The following CLTB variants were observed in gnomAD, a reference collection of about 807,000 sequenced individuals.
CLTB encodes clathrin light chain B.
CLTB carries 10 observed loss-of-function variants against 30.5 expected under a neutral mutation model. That is an observed-to-expected ratio of 0.33 (90% confidence interval 0.20 to 0.56). The LOEUF (loss-of-function observed/expected upper bound fraction) is 0.56. CLTB is among the 20% of genes least tolerant of loss of function. The pLI is 0.91. For synonymous variants in CLTB, 102 were observed against 120.3 expected (o/e 0.85, Z 1.00); for missense variants, 261 against 308.3 (o/e 0.85, Z 1.15).
intron 4 of CLTB, 78 bp downstream of exon 4, chr5:176,397,523 CCCTCAT>C: frequency 1.7e-6 from 1 of 575,716 alleles, no homozygotes; most frequent in South Asian, 2.5e-5. Context: ...CCCCATGGCC[CCCTCAT>C]GTCCCCACGG....
intron 4 of CLTB, 91 bp from the exon 5 acceptor site, chr5:176,396,623 A>G (rs940392946): frequency 1.1e-6 from 1 of 890,886 alleles, no homozygotes; most frequent in African/African-American, 1.7e-5. Context: ...AGAGAGAGAG[A>G]CAGCATTAGT....
intron 2 of CLTB, among the ~76,000 whole-genome samples, chr5:176,404,723 G>A (rs1185458113): frequency 2.0e-5 from 3 of 152,210 alleles, no homozygotes; most frequent in African/African-American, 7.2e-5. Context: ...GGGCTCACCC[G>A]AAACCTTTGG....
At position 176,396,528 on chromosome 5, in the gene CLTB, C is replaced by A. The variant is rs752659726; in HGVS notation, c.469G>T (p.Ala157Ser). 7.4e-6 allele frequency: 12 copies of A among 1,613,068 alleles called. No homozygotes were observed. The highest frequency in any genetic ancestry group is 1.0e-5 in the Non-Finnish European group (12 of 1,179,548). ...VEKNKINNRI[A>S]DKAFYQQPDA... ...GGCTGCTGGTAGAATGCTTTGTCAGCGATCCTTGAGGGAAAGGTTGAGGGA... is the reference window on the plus strand; with the variant it reads ...GGCTGCTGGTAGAATGCTTTGTCAGAGATCCTTGAGGGAAAGGTTGAGGGA... Residue 157 changes from alanine to serine, a missense_variant, in exon 5 of 6, where the codon GCT becomes TCT. By Grantham distance (99) the Ala-to-Ser change is moderately conservative. Transcript: ENST00000310418.
chr5:176,398,187 A>G (rs1756646576), intron 2 of CLTB, 140 bp from the exon 3 acceptor site: 1 of 706,588 alleles, frequency 1.4e-6, no homozygotes, highest in East Asian at 2.7e-5. Flanking sequence ...GACTACACCT[A>G]TCTTTGCACT....
Position 176,393,965 on chromosome 5 carries a change from T to A in CLTB, c.519-1020A>T, listed in dbSNP as rs1756374184. Among the ~76,000 whole-genome samples, 1 of 152,164 alleles carries A rather than the reference T, an allele frequency of 6.6e-6. No homozygotes were observed. Among genetic ancestry groups the A allele is most frequent in the African/African-American group, 2.4e-5 (1 of 41,440 alleles). ...GGACCAGTTCTGCCGATGCCAGACA[T>A]GACTGATGGCAGGAGCGCTCCATGG... is the stretch of plus-strand genomic sequence containing the variant. On this transcript the variant is annotated intron_variant, in intron 5 of 5. Coordinates refer to ENST00000310418, the MANE Select transcript of CLTB (RefSeq NM_007097.5). This position sits in a 1 kb window ranked among gnomAD's most constrained non-coding sequence, Gnocchi z 4.4.
chr5:176,408,407 G>A (rs191356055), intron 2 of CLTB, among the ~76,000 whole-genome samples: 53 of 151,942 alleles, frequency 3.5e-4, no homozygotes, highest in African/African-American at 1.3e-3. Flanking sequence ...GTGGTGGCGG[G>A]TGCCTGTAAT....
At chr5:176,405,035 G>A (rs1757035033) in intron 2 of CLTB, among the ~76,000 whole-genome samples, 2 of 152,206 alleles carry the variant, frequency 1.3e-5, no homozygotes, top group Admixed American at 1.3e-4. Flanking sequence ...ACATCACAGG[G>A]AGTTGGGAGG....
intron 4 of CLTB, among the ~76,000 whole-genome samples, chr5:176,397,109 C>T (rs141513546): frequency 9.9e-5 from 15 of 152,268 alleles, no homozygotes; most frequent in East Asian, 1.9e-4. Context: ...TCCTCTGCGC[C>T]CTTTGAGGAC....
chr5:176,398,993 T>A (rs1283144622), intron 2 of CLTB, among the ~76,000 whole-genome samples: 4 of 151,792 alleles, frequency 2.6e-5, no homozygotes, highest in Admixed American at 6.6e-5. Context: ...CAGGCACACG[T>A]CACGACACCC....
chr5:176,398,871 G>T (rs866688229), intron 2 of CLTB, among the ~76,000 whole-genome samples: 2 of 151,686 alleles, frequency 1.3e-5, no homozygotes, highest in African/African-American at 4.8e-5. Flanking sequence ...GAGATGGAGT[G>T]TCCCTCTGTT....
At chr5:176,404,339 C>A (rs1007788092) in intron 2 of CLTB, among the ~76,000 whole-genome samples, 1 of 152,270 alleles carries the variant, frequency 6.6e-6, no homozygotes, top group Non-Finnish European at 1.5e-5. Context: ...CCTCAGCTCG[C>A]CTAGGGGCTG....
rs1756359066 is a variant in CLTB at position 176,393,676 on chromosome 5, C to T, written c.519-731G>A. 6.6e-6 allele frequency among the ~76,000 whole-genome samples: 1 copy of T among 152,174 alleles called. No homozygotes were observed. The highest frequency in any genetic ancestry group is 2.1e-4 in the South Asian group (1 of 4,832). ...CACAGCCTGGGGCATGAATGCTCCA[C>T]TGGAGTCTGCTTTTGGTTGGAATCA... On this transcript the variant is annotated intron_variant, in intron 5 of 5. Coordinates refer to ENST00000310418, the MANE Select transcript of CLTB (RefSeq NM_007097.5). The surrounding 1 kb of genome is among the most constrained non-coding windows in gnomAD (Gnocchi z 4.4).
chr5:176,401,694 C>G, intron 2 of CLTB: 1 of 456,096 alleles, frequency 2.2e-6, no homozygotes, highest in South Asian at 1.5e-5. Context: ...TTGTGTTGCA[C>G]AGCATTTTCA....
chr5:176,403,348 C>A (rs1581435292), intron 2 of CLTB, among the ~76,000 whole-genome samples: 2 of 144,194 alleles, frequency 1.4e-5, no homozygotes, highest in East Asian at 1.9e-4. Context: ...CTGCGCCTGG[C>A]CAAGCCTGCC....
At chr5:176,414,915 T>C (rs942798196) in intron 1 of CLTB, among the ~76,000 whole-genome samples, 3 of 152,208 alleles carry the variant, frequency 2.0e-5, no homozygotes, top group Non-Finnish European at 4.4e-5. Flanking sequence ...TCAGTAAACG[T>C]TGAATGGATA....
intron 1 of CLTB, among the ~76,000 whole-genome samples, chr5:176,414,644 T>C (rs1054585375): frequency 6.6e-6 from 1 of 152,108 alleles, no homozygotes; most frequent in African/African-American, 2.4e-5. Flanking sequence ...GGTTTCACCA[T>C]GTTGCCCAGG....
Position 176,392,778 on chromosome 5 carries a change from C to T in CLTB, c.686G>A (p.Arg229His), listed in dbSNP as rs771241413. The change falls in exon 6 of 6, where the codon CGC (arginine) becomes CAC (histidine). Residue 229 changes from arginine (R) to histidine (H), a missense_variant. Arg to His is a conservative substitution (Grantham distance 29, BLOSUM62 0). Coordinates refer to ENST00000310418, the MANE Select transcript of CLTB (RefSeq NM_007097.5). The surrounding 1 kb of genome is among the most constrained non-coding windows in gnomAD (Gnocchi z 5.2). ...LMSLKQTPLS[R>H] ...GGCCATGCACCTAGCAGGCACCTAGCGGGACAGTGGCGTCTGCTTCAGGGA... is the reference window on the plus strand; with the variant it reads ...GGCCATGCACCTAGCAGGCACCTAGTGGGACAGTGGCGTCTGCTTCAGGGA... 46 of 1,613,818 alleles carry T rather than the reference C, an allele frequency of 2.9e-5. No individual in the cohort carries two copies. The highest frequency in any genetic ancestry group is 2.0e-4 in the Admixed American group (12 of 60,002).
At chr5:176,415,714 G>A (rs1040771179) in intron 1 of CLTB, among the ~76,000 whole-genome samples, 2 of 152,148 alleles carry the variant, frequency 1.3e-5, no homozygotes, top group Admixed American at 6.5e-5. Context: ...AATGCCAGGC[G>A]GTCACCGGGG....
intron 2 of CLTB, chr5:176,405,662 C>T (rs1757074829): frequency 6.6e-6 from 1 of 152,014 alleles, no homozygotes; most frequent in Admixed American, 6.6e-5. Context: ...AACGTATAAA[C>T]CAAATGAATA....
Sources: allele counts gnomAD v4.1 joint callset (sites outside exome capture counted in the v4.1 genomes callset), GRCh38; gene constraint gnomAD v4.1.1; non-coding constraint Gnocchi (gnomAD v3.1); transcripts MANE v1.5; gene names NCBI Gene and HGNC (gene_info 2026-07-23, HGNC 2026-07-21).